Variants in TSPAN5 observed in about 807,000 individuals in gnomAD.
The protein encoded by TSPAN5 is tetraspanin 5.
In TSPAN5, 10 loss-of-function variants were observed where a neutral mutation model predicts 37.1. The observed-to-expected ratio is 0.27, with a 90% confidence interval of 0.17 to 0.46. The LOEUF (loss-of-function observed/expected upper bound fraction) is 0.46. TSPAN5 is among the 20% of genes least tolerant of loss of function. The pLI, the probability that TSPAN5 is intolerant of heterozygous loss-of-function variation, is 1.00. For missense variants in TSPAN5, 195 were observed against 326.6 expected (o/e 0.60, Z 3.11); for synonymous variants, 110 against 118.9 (o/e 0.93, Z 0.48).
At chr4:98,643,422 A>G (rs1418627616) in intron 1 of TSPAN5, among the ~76,000 whole-genome samples, 1 of 152,146 alleles carries the variant, frequency 6.6e-6, no homozygotes, top group Non-Finnish European at 1.5e-5. Context: ...TACTTTTTTT[A>G]AAAAGTCCAA....
chr4:98,576,586 T>A (rs116731085), intron 1 of TSPAN5, among the ~76,000 whole-genome samples: 2,874 of 152,134 alleles, frequency 0.019, 47 homozygotes, highest in African/African-American at 0.045. Context: ...CGTGGTGGCA[T>A]GTGCCTATAG....
At chr4:98,516,790 T>C (rs183620037) in intron 1 of TSPAN5, among the ~76,000 whole-genome samples, 52 of 152,320 alleles carry the variant, frequency 3.4e-4, no homozygotes, top group African/African-American at 1.2e-3. Context: ...GGATTAGTTC[T>C]CTGGGAATGA....
chr4:98,543,027 T>C (rs113240656), intron 1 of TSPAN5, among the ~76,000 whole-genome samples: 5 of 152,154 alleles, frequency 3.3e-5, no homozygotes, highest in African/African-American at 9.6e-5. Flanking sequence ...TTACAGCAAG[T>C]GACATACCAC....
intron 1 of TSPAN5, among the ~76,000 whole-genome samples, chr4:98,635,063 C>T (rs1756826165): frequency 6.6e-6 from 1 of 152,186 alleles, no homozygotes; most frequent in African/African-American, 2.4e-5. Flanking sequence ...TTCCATTCGC[C>T]CCAGTCTCCA....
In TSPAN5 at chr4:98,599,437, T is replaced by A. The variant is rs962044816; in HGVS notation, c.81+58709A>T. 3.9e-5 allele frequency among the ~76,000 whole-genome samples: 6 copies of A among 152,336 alleles called. No individual in the cohort carries two copies. In the South Asian group the frequency reaches 8.3e-4, roughly 21 times the overall value. ...TTTTAAAAGAAACTTTTTAAAAAAA[T>A]TCAACTTTGAGGTATAATTTACATA... On this transcript the variant is annotated intron_variant, in intron 1 of 7. Transcript: ENST00000305798.
At chr4:98,656,587 T>C (rs1757299342) in intron 1 of TSPAN5, among the ~76,000 whole-genome samples, 1 of 152,196 alleles carries the variant, frequency 6.6e-6, no homozygotes, top group African/African-American at 2.4e-5. Context: ...GTAGCAGTGT[T>C]TAATTGCAGG....
chr4:98,477,662 CT>C (rs61539900), intron 5 of TSPAN5, among the ~76,000 whole-genome samples: 61,421 of 141,118 alleles, frequency 0.44, 13,928 homozygotes, highest in African/African-American at 0.64. Context: ...AGAGAGTTAC[CT>C]TTTTTTTTTT....
intron 1 of TSPAN5, among the ~76,000 whole-genome samples, chr4:98,582,314 C>T (rs982186978): frequency 2.5e-4 from 38 of 152,136 alleles, no homozygotes; most frequent in African/African-American, 8.9e-4. Context: ...CTGGAGCTGA[C>T]GGCACAACAG....
rs556911558 is a variant in TSPAN5, at chr4:98,499,724, G to A, written c.132+7954C>T. 6.4e-5 allele frequency among the ~76,000 whole-genome samples: 9 copies of A among 141,554 alleles called. 1 individual carries two copies. The highest frequency in any genetic ancestry group is 2.4e-4 in the African/African-American group (9 of 37,342). The allele number at this position is 141,554 out of a possible 152,430, so 92.9% of individuals were successfully genotyped here. On this transcript the variant is annotated intron_variant, in intron 2 of 7. Coordinates refer to ENST00000305798, the MANE Select transcript of TSPAN5 (RefSeq NM_005723.4). Reference sequence around the variant, plus strand: ...TGCCCAGGCTGGAGTGCAGTGGCGTGATCTGGGCTCACTGCAAGCTCCGCC... The same window carrying A: ...TGCCCAGGCTGGAGTGCAGTGGCGTAATCTGGGCTCACTGCAAGCTCCGCC...
Position 98,593,921 on chromosome 4 carries a change from G to A in TSPAN5, c.81+64225C>T, listed in dbSNP as rs1422600281. Among the ~76,000 whole-genome samples, 7 of 62,870 alleles carry A rather than the reference G, an allele frequency of 1.1e-4. 3 individuals carry two copies. Among genetic ancestry groups the A allele is most frequent in the African/African-American group, 8.2e-4 (7 of 8,556 alleles). 41.2% of individuals were successfully genotyped at this position (62,870 alleles called of 152,430 possible). The stretch of plus-strand genomic sequence containing the variant: ...GGCTTAGGATTGACTTGGCAATGTG[G>A]GCTCTTTTTTGATTCCATATGAACT... On this transcript the variant is annotated intron_variant, in intron 1 of 7. Transcript: ENST00000305798.
chr4:98,526,622 T>C (rs1038713358), intron 1 of TSPAN5, among the ~76,000 whole-genome samples: 2 of 150,990 alleles, frequency 1.3e-5, no homozygotes, highest in Non-Finnish European at 2.9e-5. Flanking sequence ...GTAAATGCCA[T>C]AAATGAGACT....
intron 1 of TSPAN5, among the ~76,000 whole-genome samples, chr4:98,562,661 A>AAAAACAAAACAAAACAAAAC (rs371373013): frequency 1.3e-5 from 2 of 151,016 alleles, no homozygotes; most frequent in Non-Finnish European, 2.9e-5. Context: ...CTCTGTCTCA[A>AAAAACAAAACAAAACAAAAC]AAAACAAAAC....
At chr4:98,515,627 G>A (rs1195635288) in intron 1 of TSPAN5, among the ~76,000 whole-genome samples, 1 of 152,026 alleles carries the variant, frequency 6.6e-6, no homozygotes, top group African/African-American at 2.4e-5. Flanking sequence ...ATGGAGGAGT[G>A]ATGTGACCTG....
intron 1 of TSPAN5, among the ~76,000 whole-genome samples, chr4:98,573,796 AAAAATTATCCCAAAAATGTAC>A (rs1755176227): frequency 6.6e-6 from 1 of 152,246 alleles, no homozygotes; most frequent in African/African-American, 2.4e-5. Flanking sequence ...AAATATGGAT[AAAAATTATCCCAAAAATGTAC>A]ATACAGCTTA....
intron 2 of TSPAN5, among the ~76,000 whole-genome samples, chr4:98,491,611 C>T (rs10856937): frequency 0.44 from 67,027 of 151,052 alleles, 15,084 homozygotes; most frequent in Admixed American, 0.51. Context: ...TCGCTTGAAC[C>T]CAGGAGGCAG....
Position 98,472,574 on chromosome 4 carries a change from C to G in TSPAN5, c.755G>C (p.Cys252Ser). 6.2e-7 allele frequency: 1 copy of G among 1,613,784 alleles called. No individual in the cohort carries two copies. The highest frequency in any genetic ancestry group is 8.5e-7 in the Non-Finnish European group (1 of 1,179,900). Residue 252 changes from cysteine (C) to serine (S), a missense_variant, in exon 8 of 8, where the codon TGC (cysteine) becomes TCC (serine). By Grantham distance (112) the Cys-to-Ser change is moderately radical (BLOSUM62 -1). Transcript: ENST00000305798. ...GIALLQIFGICLAQNLVSDIE... is the reference protein window; with the variant it reads ...GIALLQIFGISLAQNLVSDIE... Reference sequence around the variant, plus strand: ...ATCGCTAACCAAATTCTGGGCCAGGCATATCCCAAATATCTGAGAAAGGAA... The same window carrying G: ...ATCGCTAACCAAATTCTGGGCCAGGGATATCCCAAATATCTGAGAAAGGAA...
At chr4:98,609,125 G>GA (rs1176013257) in intron 1 of TSPAN5, among the ~76,000 whole-genome samples, 1 of 151,750 alleles carries the variant, frequency 6.6e-6, no homozygotes, top group Non-Finnish European at 1.5e-5. Flanking sequence ...CAAAAAAAAT[G>GA]AAAAGAAAAA....
chr4:98,585,762 C>G (rs1364956878), intron 1 of TSPAN5, among the ~76,000 whole-genome samples: 1 of 152,190 alleles, frequency 6.6e-6, no homozygotes, highest in African/African-American at 2.4e-5. Flanking sequence ...TGTTAAGAAG[C>G]CTGTTTTCTA....
chr4:98,506,926 T>C (rs375679607), intron 2 of TSPAN5, among the ~76,000 whole-genome samples: 1 of 152,058 alleles, frequency 6.6e-6, no homozygotes, highest in South Asian at 2.1e-4. Context: ...ATTCCACTGG[T>C]GGCCTCAGTA....
Sources: allele counts gnomAD v4.1 joint callset (sites outside exome capture counted in the v4.1 genomes callset), GRCh38; gene constraint gnomAD v4.1.1; transcripts MANE v1.5; gene names NCBI Gene and HGNC (gene_info 2026-07-23, HGNC 2026-07-21).